Variants in BEST1 observed in about 807,000 individuals in gnomAD.
BEST1 encodes the protein bestrophin-1.
BEST1 carries 58 observed loss-of-function variants against 63.3 expected under a neutral mutation model. The observed-to-expected ratio is 0.92, with a 90% confidence interval of 0.74 to 1.14. BEST1 has a LOEUF of 1.14. Ranked by LOEUF, BEST1 falls within the 50% of genes most tolerant of loss-of-function variation. The pLI is 0.00. For synonymous variants in BEST1, 283 were observed against 291.6 expected (o/e 0.97, Z 0.30); for missense variants, 671 against 740.1 (o/e 0.91, Z 1.08).
chr11:61,953,726 C>A (rs2727272), intron 2 of BEST1, among the ~76,000 whole-genome samples: 63,421 of 151,592 alleles, frequency 0.42, 14,868 homozygotes, highest in East Asian at 0.88. Flanking sequence ...AAATAAAAAT[C>A]AAAAAATGAT....
At position 61,956,990 on chromosome 11, in the gene BEST1, C is replaced by T. The variant is rs758380277; in HGVS notation, c.628C>T (p.Leu210=). 6.2e-7 allele frequency: 1 copy of T among 1,614,158 alleles called. No individual in the cohort carries two copies. The highest frequency in any genetic ancestry group is 1.7e-5 in the Admixed American group (1 of 60,018). The change falls in exon 5 of 11, where the codon CTG becomes TTG. Residue 210 remains leucine (L), a synonymous_variant. Coordinates refer to ENST00000378043, the MANE Select transcript of BEST1 (RefSeq NM_004183.4). ...RIRDPILLQS[L]LNEMNTLRTQ... ...CCGGGACCCTATCCTGCTCCAGAGC[C>T]TGCTGAACGTGAGCCCACTGTACAG...
Position 61,956,934 on chromosome 11 carries a change from T to C in BEST1, c.572T>C (p.Leu191Pro), listed in dbSNP as rs1484152128. ...GTGCCCTGGGTGTGGTTTGCCAACCTGTCAATGAAGGCGTGGCTTGGAGGT... is the reference window on the plus strand; with the variant it reads ...GTGCCCTGGGTGTGGTTTGCCAACCCGTCAATGAAGGCGTGGCTTGGAGGT... ...FWVPWVWFAN[L>P]SMKAWLGGRI... The change falls in exon 5 of 11, where the codon CTG becomes CCG. Residue 191 changes from leucine (L) to proline (P), a missense_variant. Transcript: ENST00000378043. 16 of 1,614,096 alleles carry C rather than the reference T, an allele frequency of 9.9e-6. No individual in the cohort carries two copies. The highest frequency in any genetic ancestry group is 1.4e-5 in the Non-Finnish European group (16 of 1,180,016).
chr11:61,961,037 A>T (rs1377332552), intron 9 of BEST1: 2 of 151,230 alleles, frequency 1.3e-5, no homozygotes, highest in African/African-American at 4.9e-5. Flanking sequence ...TTTTTTTTAA[A>T]CGGAGTTTCA....
In BEST1 at chr11:61,951,883, G is replaced by T; in HGVS notation, c.77G>T (p.Gly26Val). The T allele has an allele frequency of 6.2e-7, 1 of 1,612,930 alleles. No homozygotes were observed. The highest frequency in any genetic ancestry group is 8.5e-7 in the Non-Finnish European group (1 of 1,179,870). ...SFSRLLLCWRGSIYKLLYGEF... is the reference protein window; with the variant it reads ...SFSRLLLCWRVSIYKLLYGEF... Reference sequence around the variant, plus strand: ...TCCCGCCTGCTGCTGTGCTGGCGGGGCAGCATCTACAAGCTGCTATATGGC... The same window carrying T: ...TCCCGCCTGCTGCTGTGCTGGCGGGTCAGCATCTACAAGCTGCTATATGGC... The change falls in exon 2 of 11, where the codon GGC becomes GTC. Residue 26 changes from glycine to valine, a missense_variant. Physicochemically the swap from Gly to Val is moderately radical, Grantham distance 109 (BLOSUM62 -3). Coordinates refer to ENST00000378043, the MANE Select transcript of BEST1 (RefSeq NM_004183.4).
chr11:61,963,330 C>T (rs1942275781), intron 10 of BEST1: 1 of 1,318,768 alleles, frequency 7.6e-7, no homozygotes, highest in Non-Finnish European at 9.6e-7. Flanking sequence ...TAGGGTAGTA[C>T]CCAAGCACTA....
chr11:61,952,126 C>G (rs1940743253), intron 2 of BEST1, among the ~76,000 whole-genome samples, 168 bp downstream of exon 2: 1 of 152,022 alleles, frequency 6.6e-6, no homozygotes, highest in South Asian at 2.1e-4. Context: ...GGGCTGGGGG[C>G]TGGGGAGAGA....
At chr11:61,965,268 T>C (rs916262789), downstream of BEST1, 46 of 1,594,356 alleles carry the variant, frequency 2.9e-5, no homozygotes, top group African/African-American at 5.4e-4. Context: ...AAAAGCCCAG[T>C]GTATCATCAC....
rs1402374620 is a variant in BEST1, at chr11:61,962,653, A to T, written c.1499A>T (p.Lys500Ile). The T allele has an allele frequency of 6.2e-7, 1 of 1,614,186 alleles. No homozygotes were observed. The highest frequency in any genetic ancestry group is 1.1e-5 in the South Asian group (1 of 91,078). Residue 500 changes from lysine to isoleucine, a missense_variant, in exon 10 of 11, where the codon AAA (lysine) becomes ATA (isoleucine). Lys to Ile is a moderately radical substitution (Grantham distance 102). Coordinates refer to ENST00000378043, the MANE Select transcript of BEST1 (RefSeq NM_004183.4). ...HSVTGIDTKD[K>I]SLKTVSSGAK... Reference sequence around the variant, plus strand: ...GTCACAGGCATAGACACCAAAGACAAAAGCTTAAAGACTGTGAGTTCTGGG... The same window carrying T: ...GTCACAGGCATAGACACCAAAGACATAAGCTTAAAGACTGTGAGTTCTGGG...
downstream of BEST1, chr11:61,964,698 C>T (rs552466453): frequency 3.1e-6 from 5 of 1,597,532 alleles, no homozygotes; most frequent in Non-Finnish European, 3.4e-6. Flanking sequence ...GGAAGTCACC[C>T]CACGGCTATG....
intron 2 of BEST1, among the ~76,000 whole-genome samples, chr11:61,953,641 C>A (rs1940952378): frequency 6.6e-6 from 1 of 152,136 alleles, no homozygotes; most frequent in Admixed American, 6.5e-5. Context: ...GCCCGGGAGG[C>A]AGAGGTTGCA....
chr11:61,963,761 C>A (rs2668897), intron 10 of BEST1: 121,427 of 1,192,566 alleles, frequency 0.1, 10,318 homozygotes, highest in East Asian at 0.68. Flanking sequence ...TTGTCTTGGG[C>A]TGGGTGTGGA....
intron 6 of BEST1, 99 bp downstream of exon 6, chr11:61,957,563 G>A: frequency 8.6e-7 from 1 of 1,167,012 alleles, no homozygotes; most frequent in East Asian, 2.4e-5. Context: ...AGGCTAAGTG[G>A]CTCCCCTGGG....
Position 61,951,764 on chromosome 11 carries a change from C to G in BEST1, c.-36-7C>G. On this transcript the variant is annotated splice_region_variant and splice_polypyrimidine_tract_variant and intron_variant, in intron 1 of 10. Coordinates refer to ENST00000378043, the MANE Select transcript of BEST1 (RefSeq NM_004183.4). ...ACAAACCCCCAATCGGTGTCCCTCT[C>G]TACCAGGACCCAAGCCCACCTGCTG... 1 of 1,608,380 alleles carries G rather than the reference C, an allele frequency of 6.2e-7. No homozygotes were observed. The highest frequency in any genetic ancestry group is 1.1e-5 in the South Asian group (1 of 90,820).
intron 10 of BEST1, chr11:61,963,862 G>A: frequency 2.3e-6 from 3 of 1,324,652 alleles, no homozygotes; most frequent in Non-Finnish European, 2.9e-6. Context: ...CAAATCAGCT[G>A]GGCGTCGTGG....
At chr11:61,951,158 G>A (rs1199846750) in intron 1 of BEST1, among the ~76,000 whole-genome samples, 1 of 152,182 alleles carries the variant, frequency 6.6e-6, no homozygotes, top group East Asian at 1.9e-4. Flanking sequence ...CCTGAGCTTA[G>A]TGTGTAGACA....
rs121918285 is a variant in BEST1, at chr11:61,951,893, C to T, written c.87C>T (p.Tyr29=). 1 of 1,613,472 alleles carries T rather than the reference C, an allele frequency of 6.2e-7. No homozygotes were observed. Among genetic ancestry groups the T allele is most frequent in the Non-Finnish European group, 8.5e-7 (1 of 1,179,868 alleles). Residue 29 remains tyrosine, a synonymous_variant, in exon 2 of 11, where the codon TAC becomes TAT. Coordinates refer to ENST00000378043, the MANE Select transcript of BEST1 (RefSeq NM_004183.4). ...RLLLCWRGSI[Y]KLLYGEFLIF... is the part of the protein sequence containing the mutation. ...TGCTGTGCTGGCGGGGCAGCATCTA[C>T]AAGCTGCTATATGGCGAGTTCTTAA...
chr11:61,950,032 C>G (rs1940496787), upstream of BEST1: 1 of 153,184 alleles, frequency 6.5e-6, no homozygotes. Flanking sequence ...CTCAGCACAG[C>G]CCCCTAACCC....
At chr11:61,963,613 A>C in intron 10 of BEST1, 1 of 1,026,756 alleles carries the variant, frequency 9.7e-7, no homozygotes. Context: ...TCAAGCAGTT[A>C]CTTTCACGGT....
At position 61,962,328 on chromosome 11, in the gene BEST1, CG is replaced by C. The variant is rs1490119932; in HGVS notation, c.1175del (p.Arg392ProfsTer3). ...EEDAHAGIIG[R>X]FLGLQSHDHH... ...GGATGCTCACGCTGGCATCATTGGC[CG>C]CTTCCTAGGCCTGCAGTCCCATGAT... On this transcript the variant is annotated frameshift_variant, in exon 10 of 11. Coordinates refer to ENST00000378043, the MANE Select transcript of BEST1 (RefSeq NM_004183.4). LOFTEE classifies it high-confidence loss of function. 3 of 1,614,036 alleles carry C rather than the reference CG, an allele frequency of 1.9e-6. No homozygotes were observed. The African/African-American group carries it at 4.0e-5, about 22-fold the overall frequency.
Sources: allele counts gnomAD v4.1 joint callset (sites outside exome capture counted in the v4.1 genomes callset), GRCh38; gene constraint gnomAD v4.1.1; transcripts MANE v1.5; gene names NCBI Gene and HGNC (gene_info 2026-07-23, HGNC 2026-07-21).